Variants in SPINK1 observed in about 807,000 individuals in gnomAD.
SPINK1 encodes serine peptidase inhibitor Kazal type 1.
A neutral mutation model predicts 9.5 loss-of-function variants in SPINK1; 5 were observed. The observed-to-expected ratio is 0.52, with a 90% CI of 0.27 to 1.10. The LOEUF (loss-of-function observed/expected upper bound fraction) is 1.10, where lower values mean the gene tolerates loss of function less well. Ranked by LOEUF, SPINK1 falls within the 50% of genes least tolerant of loss-of-function variation. The pLI, the probability that SPINK1 is intolerant of heterozygous loss-of-function variation, is 0.11. For missense variants in SPINK1, 88 were observed against 92.7 expected, an observed-to-expected ratio of 0.95 and a Z score of 0.21; for synonymous variants, 37 against 32.3, an observed-to-expected ratio of 1.14 and a Z score of -0.49.
chr5:147,826,494 T>G (rs1756407030), intron 3 of SPINK1, among the ~76,000 whole-genome samples: 1 of 152,200 alleles, frequency 6.6e-6, no homozygotes, highest in African/African-American at 2.4e-5. Flanking sequence ...GCTAAGCAGA[T>G]AGGGTGTTCC....
chr5:147,837,775 T>G, the SPINK1 span, among the ~76,000 whole-genome samples: 1 of 151,236 alleles, frequency 6.6e-6, no homozygotes, highest in Admixed American at 6.6e-5. Context: ...GATCTCAGCT[T>G]ACTGCAACCT....
chr5:147,836,846 C>G, the SPINK1 span, among the ~76,000 whole-genome samples: 5 of 152,172 alleles, frequency 3.3e-5, no homozygotes, highest in Admixed American at 6.5e-5. Flanking sequence ...TTGTCTAGAA[C>G]AGAAACAGAT....
the SPINK1 span, among the ~76,000 whole-genome samples, chr5:147,836,879 C>T: frequency 5.3e-3 from 804 of 152,198 alleles, 9 homozygotes; most frequent in African/African-American, 0.019. Flanking sequence ...CTGGAGATAC[C>T]ATATCTAACA....
chr5:147,831,859 C>T, upstream of SPINK1: 1 of 1,276,812 alleles, frequency 7.8e-7, no homozygotes, highest in Non-Finnish European at 1.0e-6. Context: ...TTAGTTTGAT[C>T]CCTAACTCCC....
the SPINK1 span, among the ~76,000 whole-genome samples, chr5:147,837,568 C>T: frequency 5.9e-5 from 9 of 152,256 alleles, no homozygotes; most frequent in East Asian, 1.7e-3. Context: ...TGCCCTTTCT[C>T]TTTCCTTATA....
At position 147,831,644 on chromosome 5, in the gene SPINK1, C is replaced by A; in HGVS notation, c.-67G>T. On this transcript the variant is annotated 5_prime_UTR_variant, in exon 1 of 4. The change creates a new upstream start codon in the 5' untranslated region. Coordinates refer to ENST00000296695, the MANE Select transcript of SPINK1 (RefSeq NM_001379610.1). ...GCACTTACCACGTCTCTTCAGAAGC[C>A]TGGGACTGGAAGGGTCATATGGCAG... The A allele has an allele frequency of 6.2e-7, 1 of 1,602,214 alleles. No homozygotes were observed.
At chr5:147,827,156 A>T (rs1169044661) in intron 3 of SPINK1, 3 of 151,966 alleles carry the variant, frequency 2.0e-5, no homozygotes, top group African/African-American at 4.8e-5. Flanking sequence ...AGCTCACTGC[A>T]ACCTCTGCCT....
At position 147,831,630 on chromosome 5, in the gene SPINK1, G is replaced by T. The variant is rs367798627; in HGVS notation, c.-53C>A. On this transcript the variant is annotated 5_prime_UTR_variant, in exon 1 of 4. Coordinates refer to ENST00000296695, the MANE Select transcript of SPINK1 (RefSeq NM_001379610.1). ...TTGAAAACTGCACCGCACTTACCAC[G>T]TCTCTTCAGAAGCCTGGGACTGGAA... 2.5e-6 allele frequency: 4 copies of T among 1,608,372 alleles called. No homozygotes were observed. Among genetic ancestry groups the T allele is most frequent in the Middle Eastern group, 1.7e-4 (1 of 6,026 alleles).
chr5:147,837,648 CTTTT>C, the SPINK1 span, among the ~76,000 whole-genome samples: 24 of 108,090 alleles, frequency 2.2e-4, no homozygotes, highest in African/African-American at 8.0e-4. Flanking sequence ...ACATTAACTT[CTTTT>C]CTTTCTTTCT....
rs1756439992 is a variant in SPINK1, at chr5:147,828,010, G to C, written c.194+12C>G. 1.3e-6 allele frequency: 2 copies of C among 1,596,386 alleles called. No homozygotes were observed. Among genetic ancestry groups the C allele is most frequent in the Admixed American group, 1.7e-5 (1 of 59,812 alleles). ...AATATATAGTTTAAAAGAAACTCAA[G>C]TTTGTACTCACCGATTTTCAAAACA... On this transcript the variant is annotated intron_variant, in intron 3 of 3. Transcript: ENST00000296695.
At chr5:147,839,125 G>A in the SPINK1 span, among the ~76,000 whole-genome samples, 9 of 152,180 alleles carry the variant, frequency 5.9e-5, no homozygotes, top group Admixed American at 5.9e-4. Context: ...GAGGCCTCAG[G>A]AAACTTACAA....
chr5:147,825,159 A>G (rs1464879042), intron 3 of SPINK1, among the ~76,000 whole-genome samples: 1 of 152,204 alleles, frequency 6.6e-6, no homozygotes, highest in Non-Finnish European at 1.5e-5. Flanking sequence ...AGTAAATCAC[A>G]TATTTATTCC....
upstream of SPINK1, among the ~76,000 whole-genome samples, chr5:147,836,631 C>T (rs901566483): frequency 2.0e-5 from 3 of 152,080 alleles, no homozygotes; most frequent in African/African-American, 7.2e-5. Flanking sequence ...GCATAGTAGA[C>T]TTTAATAAGA....
At chr5:147,834,440 G>A (rs1236643489), upstream of SPINK1, among the ~76,000 whole-genome samples, 2 of 152,066 alleles carry the variant, frequency 1.3e-5, no homozygotes, top group Non-Finnish European at 2.9e-5. Flanking sequence ...CTAGGGAAAT[G>A]GATATGATGT....
chr5:147,832,667 G>A (rs1756528787), upstream of SPINK1, among the ~76,000 whole-genome samples: 1 of 152,142 alleles, frequency 6.6e-6, no homozygotes, highest in African/African-American at 2.4e-5. Flanking sequence ...ATTGGCCTGT[G>A]GAAATTGGGG....
upstream of SPINK1, among the ~76,000 whole-genome samples, chr5:147,835,522 T>G (rs113761224): frequency 3.3e-5 from 5 of 152,220 alleles, 1 homozygote; most frequent in African/African-American, 1.2e-4. Flanking sequence ...GTGTACATTT[T>G]TTCCTTTTCT....
chr5:147,827,555 A>G (rs991107900), intron 3 of SPINK1: 5 of 160,950 alleles, frequency 3.1e-5, no homozygotes, highest in Non-Finnish European at 6.8e-5. Context: ...TCAGTTGCTG[A>G]GTGAGATAGG....
upstream of SPINK1, among the ~76,000 whole-genome samples, chr5:147,835,720 C>T (rs948790007): frequency 3.3e-5 from 5 of 151,998 alleles, no homozygotes; most frequent in African/African-American, 9.7e-5. Context: ...TGGGCTGGCA[C>T]CTGTTGATTT....
upstream of SPINK1, among the ~76,000 whole-genome samples, chr5:147,835,884 G>A (rs975069987): frequency 2.0e-5 from 3 of 151,988 alleles, no homozygotes; most frequent in African/African-American, 7.2e-5. Flanking sequence ...ATTATTTAGG[G>A]AACTTCATGG....
Sources: allele counts gnomAD v4.1 joint callset (sites outside exome capture counted in the v4.1 genomes callset), GRCh38; gene constraint gnomAD v4.1.1; transcripts MANE v1.5; gene names NCBI Gene and HGNC (gene_info 2026-07-23, HGNC 2026-07-21).